The following GPM6A variants were observed in gnomAD, a reference collection of about 807,000 sequenced individuals.
GPM6A encodes glycoprotein M6A.
In GPM6A, 7 loss-of-function variants were observed where a neutral mutation model predicts 32.1. The observed-to-expected ratio is 0.22, with a 90% CI of 0.12 to 0.41. GPM6A has a LOEUF of 0.41. GPM6A is among the 10% of genes least tolerant of loss of function. GPM6A has a pLI of 1.00. For missense variants in GPM6A, 235 were observed against 347.2 expected, an observed-to-expected ratio of 0.68 and a Z score of 2.57; for synonymous variants, 130 against 123.4, an observed-to-expected ratio of 1.05 and a Z score of -0.35.
chr4:175,793,295 G>A (rs555151390), intron 1 of GPM6A, among the ~76,000 whole-genome samples: 10 of 152,192 alleles, frequency 6.6e-5, no homozygotes, highest in African/African-American at 1.7e-4. Context: ...GATACCCACC[G>A]TCCCTACCTC....
chr4:175,737,173 C>T (rs1285399991), intron 1 of GPM6A, among the ~76,000 whole-genome samples: 3 of 152,114 alleles, frequency 2.0e-5, no homozygotes, highest in South Asian at 2.1e-4. Context: ...ACTCAAAACC[C>T]AAAGCACTTC....
intron 1 of GPM6A, among the ~76,000 whole-genome samples, chr4:175,780,815 A>G (rs965195433): frequency 2.0e-5 from 3 of 152,166 alleles, no homozygotes; most frequent in Admixed American, 1.3e-4. Flanking sequence ...AAAATAAGTG[A>G]ATTTGTGATC....
At chr4:175,710,779 C>T (rs567993674) in intron 1 of GPM6A, among the ~76,000 whole-genome samples, 19 of 152,152 alleles carry the variant, frequency 1.2e-4, no homozygotes, top group Non-Finnish European at 2.6e-4. Flanking sequence ...ACTTTTGTTA[C>T]TATTATTGTT....
chr4:176,001,815 A>G (rs577673858), intron 1 of GPM6A, among the ~76,000 whole-genome samples: 2 of 152,314 alleles, frequency 1.3e-5, no homozygotes, highest in African/African-American at 4.8e-5. Flanking sequence ...TCAAACCTGT[A>G]CAAAGTGGAA....
intron 1 of GPM6A, among the ~76,000 whole-genome samples, chr4:175,747,523 T>G (rs1422494999): frequency 6.6e-6 from 1 of 152,200 alleles, no homozygotes; most frequent in East Asian, 1.9e-4. Flanking sequence ...ACACACATAT[T>G]TTTTGAGTTC....
At chr4:175,762,617 A>G (rs749410551) in intron 1 of GPM6A, among the ~76,000 whole-genome samples, 2 of 152,210 alleles carry the variant, frequency 1.3e-5, no homozygotes, top group Non-Finnish European at 2.9e-5. Flanking sequence ...AATATTATTC[A>G]TGAATGTTAT....
At chr4:175,871,435 A>G (rs1736904255) in intron 1 of GPM6A, among the ~76,000 whole-genome samples, 1 of 152,102 alleles carries the variant, frequency 6.6e-6, no homozygotes, top group South Asian at 2.1e-4. Context: ...GCACCACTGC[A>G]CTCCAGCCTG....
chr4:175,818,597 C>T (rs998603548), intron 1 of GPM6A, among the ~76,000 whole-genome samples: 1 of 152,290 alleles, frequency 6.6e-6, no homozygotes, highest in African/African-American at 2.4e-5. Context: ...TGAATGCATG[C>T]ATGCATGCAT....
At chr4:175,767,663 CA>C (rs1733026964) in intron 1 of GPM6A, among the ~76,000 whole-genome samples, 1 of 152,162 alleles carries the variant, frequency 6.6e-6, no homozygotes, top group Non-Finnish European at 1.5e-5. Context: ...TGGCTTCAGC[CA>C]TTGGGCAGTA....
intron 3 of GPM6A, among the ~76,000 whole-genome samples, chr4:175,667,809 AT>A (rs982658193): frequency 1.3e-5 from 2 of 152,026 alleles, no homozygotes; most frequent in Admixed American, 6.6e-5. Context: ...GAATATACAA[AT>A]TTTTTTTAAG....
chr4:175,725,902 A>C (rs564715917), intron 1 of GPM6A, among the ~76,000 whole-genome samples: 1 of 152,322 alleles, frequency 6.6e-6, no homozygotes, highest in African/African-American at 2.4e-5. Flanking sequence ...ATGAAAGATA[A>C]AAATAATTAA....
At chr4:175,757,066 T>A (rs906248929) in intron 1 of GPM6A, among the ~76,000 whole-genome samples, 7 of 152,070 alleles carry the variant, frequency 4.6e-5, no homozygotes, top group Admixed American at 1.3e-4. Context: ...TGCCCTTAGA[T>A]AGTCTCCTCC....
chr4:175,757,164 G>A (rs1732560151), intron 1 of GPM6A, among the ~76,000 whole-genome samples: 2 of 152,082 alleles, frequency 1.3e-5, no homozygotes, highest in Non-Finnish European at 2.9e-5. Context: ...ATACAGGGGA[G>A]TGCTGCTTCA....
At chr4:175,956,080 G>A (rs756640953) in intron 1 of GPM6A, among the ~76,000 whole-genome samples, 10 of 152,142 alleles carry the variant, frequency 6.6e-5, no homozygotes, top group African/African-American at 1.9e-4. Context: ...ATGGATGGGC[G>A]CCATAGTGCA....
chr4:175,924,380 G>A (rs1487924940), intron 1 of GPM6A, among the ~76,000 whole-genome samples: 49 of 152,158 alleles, frequency 3.2e-4, no homozygotes. Flanking sequence ...ACCACACATT[G>A]TAACCCCCAA....
At chr4:175,650,680 G>C (rs1176407122) in intron 4 of GPM6A, among the ~76,000 whole-genome samples, 1 of 152,144 alleles carries the variant, frequency 6.6e-6, no homozygotes, top group African/African-American at 2.4e-5. Flanking sequence ...GCTTCATCTT[G>C]TAGGATGGTG....
At chr4:175,720,651 G>T (rs929012729) in intron 1 of GPM6A, among the ~76,000 whole-genome samples, 2 of 152,110 alleles carry the variant, frequency 1.3e-5, no homozygotes, top group Non-Finnish European at 2.9e-5. Flanking sequence ...CCCAATGACT[G>T]ATCTTCTACT....
At chr4:175,771,435 G>A (rs1733185334) in intron 1 of GPM6A, among the ~76,000 whole-genome samples, 1 of 151,946 alleles carries the variant, frequency 6.6e-6, no homozygotes, top group South Asian at 2.1e-4. Flanking sequence ...AGCCAGGCAT[G>A]GTGGCACTCG....
chr4:175,776,822 G>C (rs1733415580), intron 1 of GPM6A, among the ~76,000 whole-genome samples: 1 of 151,952 alleles, frequency 6.6e-6, no homozygotes, highest in African/African-American at 2.4e-5. Flanking sequence ...GGAGTTCCTG[G>C]GAACAAAGGG....
Sources: gnomAD v4.1 joint callset for allele counts (sites outside exome capture counted in the v4.1 genomes callset) on GRCh38, gnomAD v4.1.1 for gene constraint, MANE v1.5 for transcripts, NCBI Gene and HGNC (gene_info 2026-07-23, HGNC 2026-07-21) for gene names.